The following MSL2 variants were observed in gnomAD, a reference collection of about 807,000 sequenced individuals.
MSL2 encodes the protein MSL complex subunit 2, also known as E3 ubiquitin-protein ligase MSL2.
Under a neutral mutation model 35.8 loss-of-function variants are expected in MSL2, and 2 were observed. The observed-to-expected ratio is 0.06, with a 90% CI of 0.02 to 0.18. The LOEUF is 0.18. Ranked by LOEUF, MSL2 falls within the 10% of genes least tolerant of loss-of-function variation. The probability of loss-of-function intolerance (pLI) is 1.00; values close to 1 mark genes in which losing one functional copy is unlikely to be tolerated. For missense variants in MSL2, 523 were observed against 706.7 expected, an observed-to-expected ratio of 0.74 and a Z score of 2.95; for synonymous variants, 296 against 255.7, an observed-to-expected ratio of 1.16 and a Z score of -1.50.
rs771238437 is a variant in MSL2 at position 136,151,182 on chromosome 3, A to G, written c.1699T>C (p.Leu567=). ...LAASTHDDKS[L]DEAIDMRFDC is the part of the protein sequence containing the mutation. ...AATCTCATGTCTATAGCTTCATCCA[A>G]ACTTTTATCATCATGTGTACTGGCA... The change falls in exon 2 of 2, where the codon TTG becomes CTG. Residue 567 remains leucine (L), a synonymous_variant. Coordinates refer to ENST00000309993, the MANE Select transcript of MSL2 (RefSeq NM_018133.4). This position sits in a 1 kb window ranked among gnomAD's most constrained non-coding sequence, Gnocchi z 5.2. The G allele has an allele frequency of 1.9e-6, 3 of 1,613,844 alleles. No individual in the cohort carries two copies. In the African/African-American group the frequency reaches 4.0e-5, roughly 22 times the overall value.
At chr3:136,174,733 T>C (rs1034452811) in intron 1 of MSL2, among the ~76,000 whole-genome samples, 1 of 152,228 alleles carries the variant, frequency 6.6e-6, no homozygotes, top group African/African-American at 2.4e-5. Context: ...ACATATATGC[T>C]ATAAAGCATT....
intron 1 of MSL2, among the ~76,000 whole-genome samples, chr3:136,158,213 G>A (rs760916491): frequency 1.3e-5 from 2 of 152,004 alleles, no homozygotes; most frequent in African/African-American, 2.4e-5. Flanking sequence ...TCAGGAGGCT[G>A]AGGCAGGAGA....
chr3:136,157,201 T>TGATCACCTGAGGTCAGGAAGGCGGGCC (rs1398210246), intron 1 of MSL2, among the ~76,000 whole-genome samples: 2 of 147,776 alleles, frequency 1.4e-5, no homozygotes, highest in East Asian at 1.9e-4. Flanking sequence ...CAAGGTGGGC[T>TGATCACCTGAGGTCAGGAAGGCGGGCC]GATCACCTGA....
intron 1 of MSL2, among the ~76,000 whole-genome samples, chr3:136,177,199 C>A (rs79999689): frequency 6.6e-6 from 1 of 152,218 alleles, no homozygotes; most frequent in Admixed American, 6.5e-5. Context: ...CTCTAATATT[C>A]AAGCAACTAT....
Position 136,151,806 on chromosome 3 carries a change from T to C in MSL2, c.1075A>G (p.Thr359Ala), listed in dbSNP as rs146071566. The C allele has an allele frequency of 2.2e-5, 35 of 1,614,040 alleles. No homozygotes were observed. Among genetic ancestry groups the C allele is most frequent in the African/African-American group, 8.0e-5 (6 of 74,922 alleles). The change falls in exon 2 of 2, where the codon ACC becomes GCC. Residue 359 changes from threonine to alanine, a missense_variant. Thr to Ala is a moderately conservative substitution (Grantham distance 58, BLOSUM62 0). This residue lies in a region of MSL2 where 361 missense variants were observed against 414.6 expected (regional missense o/e 0.87). Coordinates refer to ENST00000309993, the MANE Select transcript of MSL2 (RefSeq NM_018133.4). The surrounding 1 kb of genome is among the most constrained non-coding windows in gnomAD (Gnocchi z 5.2). ...CCCAGTGTTGGGCCTCGGATAATGG[T>C]AGAAATTGGAAGTGGCTGAACTTTC... ...SEKVQPLPIS[T>A]IIRGPTLGAS... is the part of the protein sequence containing the mutation.
At chr3:136,173,307 G>A (rs1000652228) in intron 1 of MSL2, among the ~76,000 whole-genome samples, 14 of 152,214 alleles carry the variant, frequency 9.2e-5, no homozygotes, top group African/African-American at 3.1e-4. Flanking sequence ...CTGAACTTCA[G>A]ACCCAATATC....
intron 1 of MSL2, among the ~76,000 whole-genome samples, chr3:136,177,680 TAAAAAAAAAA>T (rs397738424): frequency 5.1e-5 from 4 of 78,502 alleles, no homozygotes; most frequent in Non-Finnish European, 9.6e-5. Flanking sequence ...CTCCGTCTCA[TAAAAAAAAAA>T]AAAAAAAAAA....
At chr3:136,160,309 A>AGGAG (rs1295117399) in intron 1 of MSL2, among the ~76,000 whole-genome samples, 7 of 75,310 alleles carry the variant, frequency 9.3e-5, no homozygotes, top group African/African-American at 3.4e-4. Context: ...GAGGGAAGGA[A>AGGAG]GGAGGGAGGG....
intron 1 of MSL2, among the ~76,000 whole-genome samples, chr3:136,156,208 C>T (rs899836270): frequency 3.3e-5 from 5 of 152,004 alleles, no homozygotes; most frequent in East Asian, 1.9e-4. Context: ...AATCCTAATG[C>T]GAAACTTAGG....
chr3:136,190,489 G>A (rs892677615), intron 1 of MSL2, among the ~76,000 whole-genome samples: 1 of 146,736 alleles, frequency 6.8e-6, no homozygotes, highest in Admixed American at 6.9e-5. Context: ...AGGCTGCAGT[G>A]AACTATGACT....
At chr3:136,175,731 C>T (rs529457398) in intron 1 of MSL2, among the ~76,000 whole-genome samples, 1 of 152,096 alleles carries the variant, frequency 6.6e-6, no homozygotes, top group Admixed American at 6.6e-5. Flanking sequence ...GAACAATAAC[C>T]GTTTCATAAT....
chr3:136,161,948 T>G (rs975628993), intron 1 of MSL2, among the ~76,000 whole-genome samples: 5 of 151,946 alleles, frequency 3.3e-5, no homozygotes, highest in African/African-American at 1.2e-4. Flanking sequence ...ATGCATTTTT[T>G]TTTTCTCAAG....
chr3:136,195,547 G>A lies in MSL2; in HGVS notation c.-434C>T. 1 of 1,000,768 alleles carries A rather than the reference G, an allele frequency of 1.0e-6. No individual in the cohort carries two copies. The highest frequency in any genetic ancestry group is 1.2e-6 in the Non-Finnish European group (1 of 840,066). 62.0% of individuals were successfully genotyped at this position (1,000,768 alleles called of 1,614,324 possible). On this transcript the variant is annotated 5_prime_UTR_variant, in exon 1 of 2. Transcript: ENST00000309993. ...AGCAGGCCCCGGCCCCGTCTGAGGC[G>A]CGGCACGCTTCTCCCGGGCTGCAGG...
intron 1 of MSL2, among the ~76,000 whole-genome samples, chr3:136,177,231 T>C (rs1296218714): frequency 6.6e-6 from 1 of 152,220 alleles, no homozygotes; most frequent in Admixed American, 6.5e-5. Flanking sequence ...CATTAGCCCA[T>C]TTAAATATCC....
chr3:136,157,495 C>G (rs1939568186), intron 1 of MSL2, among the ~76,000 whole-genome samples: 1 of 151,824 alleles, frequency 6.6e-6, no homozygotes, highest in African/African-American at 2.4e-5. Context: ...GAGCCAGACT[C>G]CAACTCAAAA....
rs71624086 is a variant in MSL2 at position 136,159,529 on chromosome 3, A to ATTTTTTTTTT, written c.143-6801_143-6792dup. On this transcript the variant is annotated intron_variant, in intron 1 of 1. Coordinates refer to ENST00000309993, the MANE Select transcript of MSL2 (RefSeq NM_018133.4). Reference sequence around the variant, plus strand: ...CAGGCGCCCGCCACCACGCCCAGCTATTTTTTTTTTTTTTGCATTTTTAGT... The same window carrying ATTTTTTTTTT: ...CAGGCGCCCGCCACCACGCCCAGCTATTTTTTTTTTTTTTTTTTTTTTTTGCATTTTTAGT... Among the ~76,000 whole-genome samples, 195 of 135,902 alleles carry ATTTTTTTTTT rather than the reference A, an allele frequency of 1.4e-3. 3 individuals are homozygous for ATTTTTTTTTT. The highest frequency in any genetic ancestry group is 4.7e-3 in the African/African-American group (173 of 36,650). 89.2% of individuals were successfully genotyped at this position (135,902 alleles called of 152,430 possible). A position where few individuals can be genotyped will look rare whatever the true frequency, so the allele number is the denominator to read the frequency against.
Position 136,195,659 on chromosome 3 carries a change from A to T in MSL2, c.-546T>A. ...GGCAGCGGCTTCCCGGATCTAGTGC[A>T]AGACGCCGCGGCGGCGACGAAGGTT... On this transcript the variant is annotated 5_prime_UTR_variant, in exon 1 of 2. It introduces an in-frame stop codon into an upstream open reading frame of the 5' UTR. Coordinates refer to ENST00000309993, the MANE Select transcript of MSL2 (RefSeq NM_018133.4). The T allele has an allele frequency of 2.0e-6, 2 of 980,026 alleles. No homozygotes were observed. Among genetic ancestry groups the T allele is most frequent in the Non-Finnish European group, 2.4e-6 (2 of 824,924 alleles). The allele number at this position is 980,026 out of a possible 1,614,324, so 60.7% of individuals were successfully genotyped here.
At chr3:136,154,774 T>TAA (rs1939472147) in intron 1 of MSL2, among the ~76,000 whole-genome samples, 2 of 152,150 alleles carry the variant, frequency 1.3e-5, no homozygotes, top group African/African-American at 2.4e-5. Flanking sequence ...AATAAGGTCT[T>TAA]AAGCTAGGCA....
intron 1 of MSL2, chr3:136,155,847 G>A: frequency 1.7e-6 from 1 of 578,084 alleles, no homozygotes; most frequent in South Asian, 1.4e-5. Flanking sequence ...TGCTGGCATG[G>A]CCAGCTCCGC....
Sources: gnomAD v4.1 joint callset for allele counts (sites outside exome capture counted in the v4.1 genomes callset) on GRCh38, gnomAD v4.1.1 for gene constraint, gnomAD v4.1.1 regional missense constraint, Gnocchi (gnomAD v3.1) non-coding constraint, MANE v1.5 for transcripts, NCBI Gene and HGNC (gene_info 2026-07-23, HGNC 2026-07-21) for gene names.